Variants in GPM6A observed in about 807,000 individuals in gnomAD.
The protein encoded by GPM6A is neuronal membrane glycoprotein M6-a.
GPM6A carries 7 observed loss-of-function variants against 32.1 expected under a neutral mutation model. That is an observed-to-expected ratio of 0.22 (90% confidence interval 0.12 to 0.41). The LOEUF (loss-of-function observed/expected upper bound fraction) is 0.41. Ranked by LOEUF, GPM6A falls within the 10% of genes least tolerant of loss-of-function variation. The pLI, the probability that GPM6A is intolerant of heterozygous loss-of-function variation, is 1.00. For synonymous variants in GPM6A, 130 were observed against 123.4 expected (o/e 1.05, Z -0.35); for missense variants, 235 against 347.2 (o/e 0.68, Z 2.57).
chr4:175,790,528 C>A (rs1733971214), intron 1 of GPM6A: 1 of 152,104 alleles, frequency 6.6e-6, no homozygotes, highest in Admixed American at 6.6e-5. Context: ...TATTTTCTAT[C>A]AAAAATGCCT....
upstream of GPM6A, among the ~76,000 whole-genome samples, chr4:175,813,990 A>G (rs1035628323): frequency 5.9e-5 from 9 of 151,626 alleles, no homozygotes; most frequent in Non-Finnish European, 1.0e-4. Context: ...TGAGAGAGAG[A>G]AACCATAAGG....
At chr4:175,744,013 T>A (rs1579450538) in intron 1 of GPM6A, among the ~76,000 whole-genome samples, 1 of 148,802 alleles carries the variant, frequency 6.7e-6, no homozygotes, top group African/African-American at 2.5e-5. Context: ...AACAAAAAGG[T>A]TAACAAACTG....
At chr4:175,726,860 T>A (rs773969559) in intron 1 of GPM6A, among the ~76,000 whole-genome samples, 2 of 151,948 alleles carry the variant, frequency 1.3e-5, no homozygotes, top group African/African-American at 2.4e-5. Flanking sequence ...GCCGGGTGTG[T>A]TGATGTGCAC....
intron 1 of GPM6A, among the ~76,000 whole-genome samples, chr4:175,968,744 G>A (rs1015417835): frequency 3.9e-5 from 6 of 152,152 alleles, no homozygotes; most frequent in Admixed American, 1.3e-4. Flanking sequence ...ACACACTTGT[G>A]AGAATGGCAA....
At chr4:175,922,237 A>G (rs747830107) in intron 1 of GPM6A, among the ~76,000 whole-genome samples, 23 of 152,324 alleles carry the variant, frequency 1.5e-4, no homozygotes, top group East Asian at 9.6e-4. Context: ...TCCAAGCTAA[A>G]GCAGTGTTTA....
At chr4:175,819,774 C>A (rs1735217718) in intron 1 of GPM6A, among the ~76,000 whole-genome samples, 3 of 152,088 alleles carry the variant, frequency 2.0e-5, no homozygotes, top group African/African-American at 4.8e-5. Context: ...TAGGAAAAGG[C>A]CCTGATTGTA....
At chr4:175,889,356 A>T (rs992981571) in intron 1 of GPM6A, among the ~76,000 whole-genome samples, 5 of 152,090 alleles carry the variant, frequency 3.3e-5, no homozygotes, top group African/African-American at 1.2e-4. Context: ...AGACCCTGCC[A>T]CTACAAAAAA....
intron 1 of GPM6A, among the ~76,000 whole-genome samples, chr4:175,739,182 T>C (rs533517654): frequency 6.6e-6 from 1 of 152,306 alleles, no homozygotes; most frequent in Admixed American, 6.5e-5. Context: ...TTAAGTTCTT[T>C]GCCTGAATTT....
At chr4:175,936,783 G>T (rs556845072) in intron 1 of GPM6A, among the ~76,000 whole-genome samples, 4 of 152,008 alleles carry the variant, frequency 2.6e-5, no homozygotes, top group Non-Finnish European at 5.9e-5. Flanking sequence ...GAGAAACTAC[G>T]TGGTAAATTG....
At chr4:175,975,930 T>C (rs560457963) in intron 1 of GPM6A, among the ~76,000 whole-genome samples, 1 of 152,002 alleles carries the variant, frequency 6.6e-6, no homozygotes, top group Non-Finnish European at 1.5e-5. Context: ...AAGATAAGAT[T>C]TTTCTTTCCA....
At chr4:175,689,952 T>A (rs936360134) in intron 2 of GPM6A, among the ~76,000 whole-genome samples, 19 of 152,300 alleles carry the variant, frequency 1.2e-4, no homozygotes, top group African/African-American at 4.6e-4. Context: ...TTTCTCCCAG[T>A]GCTGAGGTGA....
chr4:175,928,624 G>A (rs1007876424), intron 1 of GPM6A, among the ~76,000 whole-genome samples: 1 of 152,224 alleles, frequency 6.6e-6, no homozygotes, highest in African/African-American at 2.4e-5. Flanking sequence ...CGAAGTGGGC[G>A]CTGCAGTAGG....
intron 3 of GPM6A, among the ~76,000 whole-genome samples, chr4:175,658,358 C>A (rs1338864996): frequency 2.0e-5 from 3 of 150,832 alleles, no homozygotes; most frequent in Admixed American, 6.6e-5. Flanking sequence ...AGCTCTATGA[C>A]ATTCTGGAAA....
At chr4:175,908,667 A>G (rs889299848) in intron 1 of GPM6A, among the ~76,000 whole-genome samples, 2 of 152,168 alleles carry the variant, frequency 1.3e-5, no homozygotes, top group African/African-American at 4.8e-5. Flanking sequence ...TTATATTCCT[A>G]CAAGGATAAA....
At chr4:175,777,578 T>C (rs1003014871) in intron 1 of GPM6A, among the ~76,000 whole-genome samples, 17 of 152,080 alleles carry the variant, frequency 1.1e-4, no homozygotes, top group African/African-American at 4.1e-4. Flanking sequence ...AATGAATGTG[T>C]TATATCTACT....
At chr4:175,969,660 G>C (rs531567140) in intron 1 of GPM6A, among the ~76,000 whole-genome samples, 2 of 152,258 alleles carry the variant, frequency 1.3e-5, no homozygotes, top group African/African-American at 4.8e-5. Context: ...GTAGTGAGCA[G>C]AGATCATGCC....
chr4:175,951,121 C>T (rs1415555452), intron 1 of GPM6A, among the ~76,000 whole-genome samples: 5 of 152,090 alleles, frequency 3.3e-5, no homozygotes, highest in East Asian at 1.9e-4. Context: ...AAATACAACA[C>T]GTCGATAAAT....
intron 1 of GPM6A, among the ~76,000 whole-genome samples, chr4:175,827,195 AT>A (rs1356401592): frequency 1.3e-5 from 2 of 152,360 alleles, no homozygotes; most frequent in East Asian, 1.9e-4. Context: ...TGATGTAATT[AT>A]ATCCATTTTA....
intron 1 of GPM6A, among the ~76,000 whole-genome samples, chr4:175,766,724 T>C (rs1362932135): frequency 6.7e-6 from 1 of 149,842 alleles, no homozygotes. Flanking sequence ...GCGTGATCTC[T>C]GCTCACTGCA....
Sources: allele counts gnomAD v4.1 joint callset (sites outside exome capture counted in the v4.1 genomes callset), GRCh38; gene constraint gnomAD v4.1.1; transcripts MANE v1.5; gene names NCBI Gene and HGNC (gene_info 2026-07-23, HGNC 2026-07-21).